Variants in ANAPC2 observed in about 807,000 individuals in gnomAD.
ANAPC2 encodes the protein anaphase promoting complex subunit 2, also known as anaphase-promoting complex subunit 2.
A neutral mutation model predicts 84.3 loss-of-function variants in ANAPC2; 29 were observed. That is an observed-to-expected ratio of 0.34 (90% confidence interval 0.26 to 0.47). The LOEUF (loss-of-function observed/expected upper bound fraction) is 0.47, where lower values mean the gene tolerates loss of function less well. Ranked by LOEUF, ANAPC2 falls within the 20% of genes least tolerant of loss-of-function variation. The pLI is 1.00. For synonymous variants in ANAPC2, 571 were observed against 479.4 expected (o/e 1.19, Z -2.50); for missense variants, 857 against 1,131.7 (o/e 0.76, Z 3.48).
At chr9:137,188,375 G>C (rs913712965) in intron 1 of ANAPC2, 41 bp downstream of exon 1, 19 of 1,582,440 alleles carry the variant, frequency 1.2e-5, no homozygotes, top group Non-Finnish European at 1.5e-5. Context: ...TACGGTCCCG[G>C]AAACTCCGCG....
Position 137,174,943 on chromosome 9 carries a change from C to G in ANAPC2, c.2468G>C (p.Ter823SerextTer?). The G allele has an allele frequency of 6.4e-7, 1 of 1,558,090 alleles. No individual in the cohort carries two copies. The highest frequency in any genetic ancestry group is 8.7e-7 in the Non-Finnish European group (1 of 1,152,836). Residue 823 changes from the stop codon to serine, a stop_lost, in exon 13 of 13, where the codon TGA becomes TCA. Coordinates refer to ENST00000323927, the MANE Select transcript of ANAPC2 (RefSeq NM_013366.4). The surrounding 1 kb of genome is among the most constrained non-coding windows in gnomAD (Gnocchi z 6.1). ...GVYRLPKNCS[*>S] Reference sequence around the variant, plus strand: ...GCGGGCGGGCGGGCGGGCGATGTGTCAGCTGCAGTTCTTGGGCAGGCGGTA... The same window carrying G: ...GCGGGCGGGCGGGCGGGCGATGTGTGAGCTGCAGTTCTTGGGCAGGCGGTA...
At chr9:137,186,566 G>A (rs1319178050) in intron 2 of ANAPC2, 3 of 657,108 alleles carry the variant, frequency 4.6e-6, no homozygotes, top group Non-Finnish European at 7.5e-6. Context: ...AGCACTCCCA[G>A]GCTCTGCTGT....
chr9:137,176,098 T>C (rs1002776303), intron 10 of ANAPC2: 11 of 417,752 alleles, frequency 2.6e-5, no homozygotes, highest in Non-Finnish European at 4.8e-5. Context: ...CTTGGAAATG[T>C]GGCCATATTT....
Position 137,175,185 on chromosome 9 carries a change from C to T in ANAPC2, c.2257-31G>A, listed in dbSNP as rs766560856. The T allele has an allele frequency of 1.2e-5, 20 of 1,602,756 alleles. No individual in the cohort carries two copies. In the African/African-American group the frequency reaches 2.5e-4, roughly 20 times the overall value. The stretch of plus-strand genomic sequence containing the variant: ...GACACAGGCCAGCCCCCGTCAGGCA[C>T]CTGCAGGCCTCGCCCCCGCCCCCTG... On this transcript the variant is annotated intron_variant, in intron 12 of 12. Transcript: ENST00000323927.
rs1207650211 is a variant in ANAPC2 at position 137,174,902 on chromosome 9, G to C, written c.*40C>G. The C allele has an allele frequency of 6.8e-7, 1 of 1,479,006 alleles. No homozygotes were observed. Among genetic ancestry groups the C allele is most frequent in the East Asian group, 2.5e-5 (1 of 40,136 alleles). 91.6% of individuals were successfully genotyped at this position (1,479,006 alleles called of 1,614,324 possible). A position where few individuals can be genotyped will look rare whatever the true frequency, so the allele number is the denominator to read the frequency against. ...GCACGGGAGGACGAGAGCACCTGCA[G>C]GGCAGCGCCTGGCGGGCGGGCGGGC... On this transcript the variant is annotated 3_prime_UTR_variant, in exon 13 of 13. Transcript: ENST00000323927. The surrounding 1 kb of genome is among the most constrained non-coding windows in gnomAD (Gnocchi z 6.1).
chr9:137,181,453 C>A (rs1834340795), intron 7 of ANAPC2, among the ~76,000 whole-genome samples: 1 of 152,200 alleles, frequency 6.6e-6, no homozygotes, highest in Non-Finnish European at 1.5e-5. Flanking sequence ...GGAGGCAGGG[C>A]ATCCCCCACG....
chr9:137,188,386 C>A (rs1564380678), intron 1 of ANAPC2, 30 bp downstream of exon 1: 3 of 1,589,732 alleles, frequency 1.9e-6, no homozygotes, highest in Admixed American at 1.7e-5. Flanking sequence ...AAACTCCGCG[C>A]GGGGCCGCCC....
At chr9:137,188,185 G>A (rs1046070764) in intron 1 of ANAPC2, 82 bp from the exon 2 acceptor site, 4 of 1,517,570 alleles carry the variant, frequency 2.6e-6, no homozygotes, top group Non-Finnish European at 2.6e-6. Flanking sequence ...CTGAGGGGGA[G>A]GCTGCAAAAA....
Position 137,174,936 on chromosome 9 carries a change from G to C in ANAPC2, c.*6C>G, listed in dbSNP as rs922437070. 6.5e-7 allele frequency: 1 copy of C among 1,534,862 alleles called. No individual in the cohort carries two copies. The stretch of plus-strand genomic sequence containing the variant: ...CTGGCGGGCGGGCGGGCGGGCGGGC[G>C]ATGTGTCAGCTGCAGTTCTTGGGCA... On this transcript the variant is annotated 3_prime_UTR_variant, in exon 13 of 13. Coordinates refer to ENST00000323927, the MANE Select transcript of ANAPC2 (RefSeq NM_013366.4). This position sits in a 1 kb window ranked among gnomAD's most constrained non-coding sequence, Gnocchi z 6.1.
At chr9:137,175,887 GC>G (rs1564374369) in intron 10 of ANAPC2, 50 bp from the exon 11 acceptor site, 1 of 1,538,518 alleles carries the variant, frequency 6.5e-7, no homozygotes, top group Non-Finnish European at 8.8e-7. Context: ...GGGCGCTCAG[GC>G]CCGTGGGCTC....
At chr9:137,182,954 G>A (rs915214671) in intron 6 of ANAPC2, among the ~76,000 whole-genome samples, 171 bp downstream of exon 6, 16 of 152,232 alleles carry the variant, frequency 1.1e-4, no homozygotes, top group African/African-American at 1.4e-4. Context: ...TGCCCGGCAC[G>A]GGCAAGAGGA....
At position 137,175,265 on chromosome 9, in the gene ANAPC2, T is replaced by A. The variant is rs749120097; in HGVS notation, c.2228A>T (p.Gln743Leu). 2 of 1,612,566 alleles carry A rather than the reference T, an allele frequency of 1.2e-6. No homozygotes were observed. Among genetic ancestry groups the A allele is most frequent in the Non-Finnish European group, 1.7e-6 (2 of 1,179,820 alleles). ...DDESDSGMAS[Q>L]ADQKEEELLL... Reference sequence around the variant, plus strand: ...CAGCTCCTCCTCCTTCTGGTCGGCCTGGGAGGCCATGCCGGAGTCGCTCTC... The same window carrying A: ...CAGCTCCTCCTCCTTCTGGTCGGCCAGGGAGGCCATGCCGGAGTCGCTCTC... Residue 743 changes from glutamine (Q) to leucine (L), a missense_variant, in exon 12 of 13, where the codon CAG (glutamine) becomes CTG (leucine). By Grantham distance (113) the Gln-to-Leu change is moderately radical. Transcript: ENST00000323927.
chr9:137,179,252 G>A (rs1269464659), intron 10 of ANAPC2, among the ~76,000 whole-genome samples: 1 of 152,078 alleles, frequency 6.6e-6, no homozygotes, highest in Non-Finnish European at 1.5e-5. Context: ...CCCCAGTCCT[G>A]AGCACTCGCT....
rs759189568 is a variant in ANAPC2 at position 137,187,891 on chromosome 9, T to C, written c.330A>G (p.Leu110=). The change falls in exon 2 of 13, where the codon CTA becomes CTG. Residue 110 remains leucine, a synonymous_variant. Transcript: ENST00000323927. Reference sequence around the variant, plus strand: ...CCAGCAGGCCAAAAGCGTCAAGGAGTAGCAAAAGGCACTGGGGCTCATCCG... The same window carrying C: ...CCAGCAGGCCAAAAGCGTCAAGGAGCAGCAAAAGGCACTGGGGCTCATCCG... The part of the protein sequence containing the change: ...NSADEPQCLL[L]LLDAFGLLES... The C allele has an allele frequency of 3.1e-6, 5 of 1,613,304 alleles. No homozygotes were observed. The highest frequency in any genetic ancestry group is 3.4e-6 in the Non-Finnish European group (4 of 1,179,918).
chr9:137,184,963 T>C lies in ANAPC2; in HGVS notation c.998A>G (p.Tyr333Cys). Residue 333 changes from tyrosine to cysteine, a missense_variant, in exon 4 of 13, where the codon TAC (tyrosine) becomes TGC (cysteine). Tyr to Cys is a radical substitution (Grantham distance 194). Transcript: ENST00000323927. Reference sequence around the variant, plus strand: ...GATGCGCAGGCTGGCGTAGATGCGGTAGAAGAACCTTTGCACGTGGCAGCG... The same window carrying C: ...GATGCGCAGGCTGGCGTAGATGCGGCAGAAGAACCTTTGCACGTGGCAGCG... ...RWRCHVQRFF[Y>C]RIYASLRIEE... The C allele has an allele frequency of 6.2e-7, 1 of 1,612,550 alleles. No individual in the cohort carries two copies. Among genetic ancestry groups the C allele is most frequent in the Non-Finnish European group, 8.5e-7 (1 of 1,179,698 alleles).
At position 137,181,806 on chromosome 9, in the gene ANAPC2, C is replaced by T; in HGVS notation, c.1343G>A (p.Gly448Glu). 2 of 1,609,470 alleles carry T rather than the reference C, an allele frequency of 1.2e-6. No homozygotes were observed. Among genetic ancestry groups the T allele is most frequent in the Non-Finnish European group, 1.7e-6 (2 of 1,179,948 alleles). The change falls in exon 7 of 13, where the codon GGG becomes GAG. Residue 448 changes from glycine (G) to glutamate (E), a missense_variant. Physicochemically the swap from Gly to Glu is moderately conservative, Grantham distance 98. This residue lies in a region of ANAPC2 where 425 missense variants were observed against 595.5 expected (regional missense o/e 0.71). Transcript: ENST00000323927. ...CAGCTCAACAGCCAGGTCCCCTGTC[C>T]CGTCCGAGTCCCCCGTCAGCCCAGC... is the stretch of plus-strand genomic sequence containing the variant. ...IVAGLTGDSD[G>E]TGDLAVELSK...
At chr9:137,187,164 C>T (rs1178016818) in intron 2 of ANAPC2, 1 of 356,984 alleles carries the variant, frequency 2.8e-6, no homozygotes, top group Non-Finnish European at 5.2e-6. Flanking sequence ...TCATTCCTCC[C>T]CAGGATCGAC....
At chr9:137,179,245 C>T (rs946097502) in intron 10 of ANAPC2, among the ~76,000 whole-genome samples, 10 of 152,180 alleles carry the variant, frequency 6.6e-5, no homozygotes, top group Admixed American at 3.9e-4. Context: ...CGCCTCCCCC[C>T]AGTCCTGAGC....
Position 137,174,784 on chromosome 9 carries a change from G to T in ANAPC2, c.*158C>A. On this transcript the variant is annotated 3_prime_UTR_variant, in exon 13 of 13. Transcript: ENST00000323927. The surrounding 1 kb of genome is among the most constrained non-coding windows in gnomAD (Gnocchi z 6.1). ...CCACAAAGCCACCAGGACAGAAAAG[G>T]ATGATCTGACTTGCTTTAATCTGCA... 7.5e-7 allele frequency: 1 copy of T among 1,325,172 alleles called. No individual in the cohort carries two copies. Among genetic ancestry groups the T allele is most frequent in the Non-Finnish European group, 1.0e-6 (1 of 1,003,460 alleles). The allele number at this position is 1,325,172 out of a possible 1,614,324, so 82.1% of individuals were successfully genotyped here.
Sources: gnomAD v4.1 joint callset for allele counts (sites outside exome capture counted in the v4.1 genomes callset) on GRCh38, gnomAD v4.1.1 for gene constraint, gnomAD v4.1.1 regional missense constraint, Gnocchi (gnomAD v3.1) non-coding constraint, MANE v1.5 for transcripts, NCBI Gene and HGNC (gene_info 2026-07-23, HGNC 2026-07-21) for gene names.